The following ANO7 variants were observed in gnomAD, a reference collection of about 807,000 sequenced individuals.
ANO7 encodes anoctamin-7.
ANO7 carries 114 observed loss-of-function variants against 115.8 expected under a neutral mutation model. The observed-to-expected ratio is 0.98, with a 90% confidence interval of 0.85 to 1.15. ANO7 has a LOEUF of 1.15. Ranked by LOEUF, ANO7 falls within the 50% of genes most tolerant of loss-of-function variation. The pLI, the probability that ANO7 is intolerant of heterozygous loss-of-function variation, is 0.00. For synonymous variants in ANO7, 550 were observed against 498.2 expected (o/e 1.10, Z -1.38); for missense variants, 1,302 against 1,201.2 (o/e 1.08, Z -1.24).
downstream of ANO7, among the ~76,000 whole-genome samples, chr2:241,226,260 C>T (rs1284090202): frequency 3.3e-5 from 5 of 152,004 alleles, no homozygotes; most frequent in Admixed American, 2.0e-4. Flanking sequence ...TGGCGTCTGC[C>T]GTGGGACATT....
intron 3 of ANO7, among the ~76,000 whole-genome samples, chr2:241,195,190 C>T (rs969340732): frequency 1.3e-5 from 2 of 152,180 alleles, no homozygotes; most frequent in African/African-American, 4.8e-5. Context: ...CCCTCCCTGT[C>T]GTTTGGGAAA....
chr2:241,200,148 C>T lies in ANO7; in HGVS notation c.477C>T (p.Pro159=), dbSNP rs1177496007. ...SAGLLAWLGI[P]NVLLEVVPDV... is the part of the protein sequence containing the mutation. Reference sequence around the variant, plus strand: ...GCCTGCTGGCATGGCTGGGCATCCCCAACGTCCTGCTGGAGGTTGTGCCAG... The same window carrying T: ...GCCTGCTGGCATGGCTGGGCATCCCTAACGTCCTGCTGGAGGTTGTGCCAG... The change falls in exon 6 of 25, where the codon CCC becomes CCT. Residue 159 remains proline (P), a synonymous_variant. Transcript: ENST00000674324. The T allele has an allele frequency of 6.2e-7, 1 of 1,613,276 alleles. No homozygotes were observed.
the ANO7 span, chr2:241,235,273 T>C: frequency 6.2e-7 from 1 of 1,614,030 alleles, no homozygotes; most frequent in South Asian, 1.1e-5. Flanking sequence ...AAGAGGGGGC[T>C]GACTTGACGT....
Position 241,224,224 on chromosome 2 carries a change from C to G in ANO7, c.*71C>G, listed in dbSNP as rs2069102169. ...GAGCCCTGCGAGCAGCGTCCTTTTC[C>G]TCTTCCCTCAGGCAGCGGCTGTGTG... On this transcript the variant is annotated 3_prime_UTR_variant, in exon 25 of 25. Coordinates refer to ENST00000674324, the MANE Select transcript of ANO7 (RefSeq NM_001370694.2). 5.2e-6 allele frequency: 8 copies of G among 1,551,650 alleles called. No homozygotes were observed. Among genetic ancestry groups the G allele is most frequent in the Non-Finnish European group, 7.1e-6 (8 of 1,129,590 alleles).
intron 2 of ANO7, among the ~76,000 whole-genome samples, chr2:241,190,769 C>T (rs938978825): frequency 1.3e-5 from 2 of 152,234 alleles, no homozygotes; most frequent in Non-Finnish European, 1.5e-5. Context: ...AGCATCCAGA[C>T]ACTCTCGGTC....
In ANO7 at chr2:241,205,010, G is replaced by A. The variant is rs1409108566; in HGVS notation, c.980+55G>A. 4 of 1,527,862 alleles carry A rather than the reference G, an allele frequency of 2.6e-6. No individual in the cohort carries two copies. In the African/African-American group the frequency reaches 4.1e-5, roughly 16 times the overall value. The allele number at this position is 1,527,862 out of a possible 1,614,324, so 94.6% of individuals were successfully genotyped here. On this transcript the variant is annotated intron_variant, in intron 10 of 24. Coordinates refer to ENST00000674324, the MANE Select transcript of ANO7 (RefSeq NM_001370694.2). ...CCTGGTGCTGGGCCTCCAGATGGGT[G>A]TGGGGCGGGGGGACCCCTAGGTGCT...
rs34107209 is a variant in ANO7 at position 241,199,497 on chromosome 2, C to T, written c.417+74C>T. On this transcript the variant is annotated intron_variant, in intron 5 of 24. Coordinates refer to ENST00000674324, the MANE Select transcript of ANO7 (RefSeq NM_001370694.2). ...ACACACTGCGTTCAGCTGCCAGTGC[C>T]GACAGCCTCAGGAGGGCTCCCTGCT... 0.14 allele frequency: 207,245 copies of T among 1,480,614 alleles called. 16,859 individuals carry two copies. The highest frequency in any genetic ancestry group is 0.17 in the Non-Finnish European group (179,818 of 1,068,956). 91.7% of individuals were successfully genotyped at this position (1,480,614 alleles called of 1,614,324 possible).
the ANO7 span, chr2:241,231,105 C>T: frequency 3.4e-5 from 22 of 646,244 alleles, no homozygotes; most frequent in Non-Finnish European, 2.9e-5. Context: ...CCACTCAGGG[C>T]CGGGCACGGT....
At chr2:241,236,246 A>G in the ANO7 span, 3 of 282,822 alleles carry the variant, frequency 1.1e-5, no homozygotes, top group Admixed American at 4.9e-5. Flanking sequence ...GACTGCACAC[A>G]AGGTGAGCTA....
At chr2:241,235,155 C>T in the ANO7 span, 10 of 1,614,010 alleles carry the variant, frequency 6.2e-6, no homozygotes, top group Non-Finnish European at 8.5e-6. Context: ...CTCCTTCACA[C>T]GCTCCAGCAG....
chr2:241,218,371 C>T lies in ANO7; in HGVS notation c.2311C>T (p.Arg771Cys), dbSNP rs2068920171. The T allele has an allele frequency of 1.4e-6, 2 of 1,452,894 alleles. No homozygotes were observed. The highest frequency in any genetic ancestry group is 1.3e-5 in the South Asian group (1 of 76,024). The allele number at this position is 1,452,894 out of a possible 1,614,324, so 90.0% of individuals were successfully genotyped here. ...GTCCTCCTTCGCCGCCGCGCACAAC[C>T]GCACGTGCAGGTGAGCCCCGCGCCA... ...APSSFAAAHN[R>C]TCRYRAFRDD... Residue 771 changes from arginine (R) to cysteine (C), a missense_variant, in exon 21 of 25, where the codon CGC becomes TGC. Arg to Cys is a radical substitution (Grantham distance 180). Transcript: ENST00000674324.
chr2:241,219,643 C>G (rs2068959961), intron 21 of ANO7, among the ~76,000 whole-genome samples: 1 of 151,610 alleles, frequency 6.6e-6, no homozygotes, highest in Non-Finnish European at 1.5e-5. Context: ...TTATAGCTCA[C>G]TGCACCCTAG....
chr2:241,235,013 C>T, the ANO7 span: 1 of 1,364,396 alleles, frequency 7.3e-7, no homozygotes. Flanking sequence ...CACCTCCAGC[C>T]AGATGTCGCT....
At chr2:241,196,136 G>A (rs999868852) in intron 4 of ANO7, 74 of 1,344,374 alleles carry the variant, frequency 5.5e-5, no homozygotes, top group South Asian at 9.6e-5. Context: ...CACCTGTCCC[G>A]TCTCCAACAT....
intron 4 of ANO7, 24 bp downstream of exon 4, chr2:241,195,869 G>C: frequency 1.9e-6 from 3 of 1,614,162 alleles, no homozygotes; most frequent in Non-Finnish European, 2.5e-6. Context: ...GTCATGGGCA[G>C]GGCCCTAGGC....
chr2:241,214,924 G>C, intron 18 of ANO7, 22 bp downstream of exon 18: 2 of 1,607,364 alleles, frequency 1.2e-6, no homozygotes, highest in Non-Finnish European at 1.7e-6. Flanking sequence ...ACTCCTCCCT[G>C]GGTGGCATCC....
At chr2:241,211,412 C>G (rs954328421) in intron 15 of ANO7, among the ~76,000 whole-genome samples, 3 of 152,216 alleles carry the variant, frequency 2.0e-5, no homozygotes, top group Non-Finnish European at 4.4e-5. Flanking sequence ...CTCACTAGCC[C>G]TGCTCTAGCC....
intron 21 of ANO7, among the ~76,000 whole-genome samples, chr2:241,220,657 G>C (rs2068990039): frequency 6.6e-6 from 1 of 152,212 alleles, no homozygotes; most frequent in African/African-American, 2.4e-5. Context: ...AAAATTAGCT[G>C]GGCGTGGTGC....
intron 19 of ANO7, 37 bp from the exon 20 acceptor site, chr2:241,217,649 G>A (rs373816558): frequency 5.2e-6 from 8 of 1,545,410 alleles, no homozygotes; most frequent in South Asian, 2.4e-5. Context: ...GAGGGCGGAC[G>A]GTGGCGGAGA....
Sources: gnomAD v4.1 joint callset for allele counts (sites outside exome capture counted in the v4.1 genomes callset) on GRCh38, gnomAD v4.1.1 for gene constraint, MANE v1.5 for transcripts, NCBI Gene and HGNC (gene_info 2026-07-23, HGNC 2026-07-21) for gene names.